PDE2A: variants seen among roughly 807,000 people sequenced by gnomAD.
PDE2A encodes phosphodiesterase 2A.
A neutral mutation model predicts 133.6 loss-of-function variants in PDE2A; 53 were observed. The observed-to-expected ratio is 0.40, with a 90% CI of 0.32 to 0.50. PDE2A has a LOEUF of 0.50. Among genes scored for constraint, PDE2A ranks in the 20% least tolerant of loss-of-function variants. PDE2A has a pLI of 0.73. For synonymous variants in PDE2A, 491 were observed against 490.2 expected (o/e 1.00, Z -0.02); for missense variants, 796 against 1,232.4 (o/e 0.65, Z 5.30).
At chr11:72,608,877 C>T (rs149710097) in intron 2 of PDE2A, 126 bp from the exon 3 acceptor site, 15 of 637,930 alleles carry the variant, frequency 2.4e-5, no homozygotes, top group Non-Finnish European at 4.1e-5. Flanking sequence ...GCACAGGAAT[C>T]CCAGGATCTT....
intron 2 of PDE2A, among the ~76,000 whole-genome samples, chr11:72,639,574 A>G (rs1004844105): frequency 1.3e-5 from 2 of 152,146 alleles, no homozygotes; most frequent in Non-Finnish European, 2.9e-5. Context: ...CGGAGCACGA[A>G]GTGGTGTAGT....
intron 3 of PDE2A, among the ~76,000 whole-genome samples, chr11:72,607,381 G>A (rs1254872026): frequency 6.6e-6 from 1 of 152,096 alleles, no homozygotes; most frequent in African/African-American, 2.4e-5. Context: ...TACAGAAACC[G>A]ACCTGCCAGT....
intron 6 of PDE2A, among the ~76,000 whole-genome samples, chr11:72,593,667 C>A (rs1427829042): frequency 6.6e-6 from 1 of 152,166 alleles, no homozygotes; most frequent in Non-Finnish European, 1.5e-5. Flanking sequence ...GACTTATTAT[C>A]CCAGGATTAA....
At chr11:72,603,393 T>C (rs1856840101) in intron 4 of PDE2A, among the ~76,000 whole-genome samples, 1 of 152,168 alleles carries the variant, frequency 6.6e-6, no homozygotes, top group African/African-American at 2.4e-5. Flanking sequence ...CTCTCAAAAA[T>C]GCCTGGACCG....
At chr11:72,634,219 A>G (rs1485929912) in intron 2 of PDE2A, among the ~76,000 whole-genome samples, 1 of 152,128 alleles carries the variant, frequency 6.6e-6, no homozygotes, top group Non-Finnish European at 1.5e-5. Context: ...GGGGAGGCAC[A>G]CTTCTGGCCT....
Position 72,642,265 on chromosome 11 carries a change from C to T in PDE2A, c.133G>A (p.Asp45Asn). The change falls in exon 2 of 31, where the codon GAC (aspartate) becomes AAC (asparagine). Residue 45 changes from aspartate to asparagine, a missense_variant. Coordinates refer to ENST00000334456, the MANE Select transcript of PDE2A (RefSeq NM_002599.5). ...EPPPPPQPCA[D>N]SLQDALLSLG... ...GGGGGCCCCCCTACCTGCAGGCTGTCGGCGCATGGCTGCGGCGGCGGCGGC... is the reference window on the plus strand; with the variant it reads ...GGGGGCCCCCCTACCTGCAGGCTGTTGGCGCATGGCTGCGGCGGCGGCGGC... 4.5e-6 allele frequency: 7 copies of T among 1,538,728 alleles called. No individual in the cohort carries two copies. Among genetic ancestry groups the T allele is most frequent in the Non-Finnish European group, 6.1e-6 (7 of 1,145,458 alleles).
intron 6 of PDE2A, among the ~76,000 whole-genome samples, chr11:72,594,720 C>T (rs1472445810): frequency 6.6e-6 from 1 of 152,126 alleles, no homozygotes; most frequent in African/African-American, 2.4e-5. Context: ...TCCTGCCTTG[C>T]TCACATTCCT....
intron 2 of PDE2A, among the ~76,000 whole-genome samples, chr11:72,617,494 C>G (rs893629076): frequency 2.1e-4 from 32 of 152,230 alleles, no homozygotes; most frequent in African/African-American, 7.5e-4. Context: ...GGCCACCTCT[C>G]TCTGTCTGTG....
chr11:72,638,086 G>T (rs1262480849), intron 2 of PDE2A, among the ~76,000 whole-genome samples: 1 of 152,168 alleles, frequency 6.6e-6, no homozygotes, highest in African/African-American at 2.4e-5. Context: ...ACCCGCCGCA[G>T]GCAGCACAGA....
At chr11:72,629,192 A>G (rs998963314) in intron 2 of PDE2A, among the ~76,000 whole-genome samples, 29 of 152,150 alleles carry the variant, frequency 1.9e-4, no homozygotes, top group South Asian at 8.3e-4. Flanking sequence ...GGGCCGACCC[A>G]GGGAAGCCTC....
intron 1 of PDE2A, among the ~76,000 whole-genome samples, chr11:72,655,195 G>A (rs923179992): frequency 6.6e-6 from 1 of 152,148 alleles, no homozygotes; most frequent in Non-Finnish European, 1.5e-5. Flanking sequence ...CCAGAACATC[G>A]ACCCGTGGCG....
intron 23 of PDE2A, 118 bp downstream of exon 23, chr11:72,581,239 G>A: frequency 9.4e-7 from 1 of 1,061,840 alleles, no homozygotes; most frequent in Non-Finnish European, 1.4e-6. Flanking sequence ...AGTCCCCTGG[G>A]GCTAAGAAGA....
At chr11:72,636,161 C>T (rs1858687371) in intron 2 of PDE2A, 3 of 1,145,898 alleles carry the variant, frequency 2.6e-6, no homozygotes, top group South Asian at 3.5e-5. Context: ...GCCCTGCCGG[C>T]TACTCTCAAG....
chr11:72,668,315 C>A (rs1305346836), intron 1 of PDE2A: 1 of 718,582 alleles, frequency 1.4e-6, no homozygotes, highest in Non-Finnish European at 2.6e-6. Context: ...CAAGCGATTT[C>A]CCCTCCTGGA....
At chr11:72,598,530 C>G (rs1198063177) in intron 4 of PDE2A, 2 of 1,289,088 alleles carry the variant, frequency 1.6e-6, no homozygotes, top group Non-Finnish European at 2.0e-6. Context: ...CCAAATGTCA[C>G]TCCTTGATGA....
chr11:72,604,303 CT>C (rs1384229934), intron 4 of PDE2A, among the ~76,000 whole-genome samples: 1 of 152,250 alleles, frequency 6.6e-6, no homozygotes, highest in African/African-American at 2.4e-5. Context: ...GACCCGAGTC[CT>C]AGGCCTGGCT....
At chr11:72,584,152 G>A (rs778503106) in intron 19 of PDE2A, 49 bp downstream of exon 19, 12 of 860,646 alleles carry the variant, frequency 1.4e-5, no homozygotes, top group East Asian at 2.6e-5. Flanking sequence ...GGTCCTTCGT[G>A]GGCCCCGCCC....
chr11:72,582,265 C>T (rs1855757409), intron 21 of PDE2A, 179 bp downstream of exon 21: 6 of 663,916 alleles, frequency 9.0e-6, no homozygotes, highest in Non-Finnish European at 1.5e-5. Flanking sequence ...CAGCCTCTAG[C>T]CCCTGGGCAG....
intron 15 of PDE2A, 30 bp from the exon 16 acceptor site, chr11:72,585,464 A>G: frequency 6.2e-7 from 1 of 1,611,536 alleles, no homozygotes; most frequent in Non-Finnish European, 8.5e-7. Context: ...AGGCAGGGTG[A>G]GACCAGGCTG....
Sources: allele counts gnomAD v4.1 joint callset (sites outside exome capture counted in the v4.1 genomes callset), GRCh38; gene constraint gnomAD v4.1.1; transcripts MANE v1.5; gene names NCBI Gene and HGNC (gene_info 2026-07-23, HGNC 2026-07-21).